UVRAG: variants seen among roughly 807,000 people sequenced by gnomAD.
UVRAG encodes the protein UV radiation resistance-associated gene protein.
UVRAG carries 19 observed loss-of-function variants against 78.0 expected under a neutral mutation model. That is an observed-to-expected ratio of 0.24 (90% CI 0.17 to 0.36). UVRAG has a LOEUF of 0.36. UVRAG is among the 10% of genes least tolerant of loss of function. The probability of loss-of-function intolerance (pLI) is 1.00; values close to 1 mark genes in which losing one functional copy is unlikely to be tolerated. For synonymous variants in UVRAG, 323 were observed against 324.6 expected, an observed-to-expected ratio of 1.00 and a Z score of 0.05; for missense variants, 740 against 853.8, an observed-to-expected ratio of 0.87 and a Z score of 1.66.
chr11:75,968,778 A>C (rs987940230), intron 7 of UVRAG, among the ~76,000 whole-genome samples: 1 of 152,206 alleles, frequency 6.6e-6, no homozygotes, highest in African/African-American at 2.4e-5. Context: ...TTTTGTGGAA[A>C]AATTCAAGTT....
chr11:75,924,981 G>A (rs764674725), intron 6 of UVRAG, among the ~76,000 whole-genome samples: 1 of 152,212 alleles, frequency 6.6e-6, no homozygotes, highest in African/African-American at 2.4e-5. Context: ...GCGTAAAGAA[G>A]TAAAGCATTC....
intron 8 of UVRAG, among the ~76,000 whole-genome samples, chr11:75,985,456 CT>C (rs1949481075): frequency 1.3e-5 from 2 of 151,716 alleles, no homozygotes; most frequent in African/African-American, 4.8e-5. Context: ...GATATGGGTT[CT>C]TTTTTTGGCA....
intron 12 of UVRAG, among the ~76,000 whole-genome samples, chr11:76,019,794 A>G (rs1336610749): frequency 6.6e-6 from 1 of 152,140 alleles, no homozygotes; most frequent in Non-Finnish European, 1.5e-5. Flanking sequence ...CCAGCATAGG[A>G]CTGGGTCTTA....
chr11:76,085,528 A>C (rs1194482288), intron 13 of UVRAG, among the ~76,000 whole-genome samples: 1 of 152,238 alleles, frequency 6.6e-6, no homozygotes, highest in Non-Finnish European at 1.5e-5. Context: ...CTTTTGTATC[A>C]AGACATTCTG....
At chr11:75,880,169 C>A in intron 4 of UVRAG, 129 bp downstream of exon 4, 1 of 999,868 alleles carries the variant, frequency 1.0e-6, no homozygotes, top group Non-Finnish European at 1.5e-6. Context: ...ACTTATATCA[C>A]TAAGAGAGAC....
chr11:76,103,081 A>G (rs1951905855), intron 13 of UVRAG, among the ~76,000 whole-genome samples: 1 of 152,214 alleles, frequency 6.6e-6, no homozygotes, highest in Admixed American at 6.5e-5. Context: ...ATTTCTTCTT[A>G]CATGACCCTC....
intron 14 of UVRAG, among the ~76,000 whole-genome samples, chr11:76,139,531 C>T (rs907535836): frequency 1.3e-5 from 2 of 152,132 alleles, no homozygotes; most frequent in African/African-American, 4.8e-5. Context: ...CTTCTGCAAG[C>T]CACTTAACCC....
At chr11:75,970,788 C>T (rs375549844) in intron 7 of UVRAG, among the ~76,000 whole-genome samples, 13 of 151,788 alleles carry the variant, frequency 8.6e-5, no homozygotes, top group East Asian at 5.8e-4. Flanking sequence ...TATAACCCAC[C>T]CCATCCCCAA....
intron 9 of UVRAG, 88 bp from the exon 10 acceptor site, chr11:76,007,446 T>A: frequency 8.6e-6 from 9 of 1,050,626 alleles, no homozygotes; most frequent in Non-Finnish European, 1.3e-5. Flanking sequence ...CAGTATAATC[T>A]TTCTTTGGAT....
chr11:76,121,960 C>G (rs996559990), intron 14 of UVRAG, among the ~76,000 whole-genome samples: 1 of 152,136 alleles, frequency 6.6e-6, no homozygotes, highest in Non-Finnish European at 1.5e-5. Flanking sequence ...CTGGGGACCA[C>G]GTCTTACTCA....
chr11:75,950,133 C>G (rs1156715210), intron 6 of UVRAG, among the ~76,000 whole-genome samples: 1 of 152,120 alleles, frequency 6.6e-6, no homozygotes, highest in African/African-American at 2.4e-5. Flanking sequence ...GAATATATTA[C>G]AGTTTGCTTA....
At chr11:75,947,965 A>AG (rs1243934866) in intron 6 of UVRAG, among the ~76,000 whole-genome samples, 1 of 152,188 alleles carries the variant, frequency 6.6e-6, no homozygotes, top group Non-Finnish European at 1.5e-5. Context: ...ATTAGGCCTC[A>AG]GGTTTCTGGT....
chr11:76,051,906 G>A (rs945250982), intron 12 of UVRAG, among the ~76,000 whole-genome samples: 15 of 152,134 alleles, frequency 9.9e-5, no homozygotes, highest in African/African-American at 2.7e-4. Flanking sequence ...ATGGTCTGGC[G>A]TGGTGTGTGT....
intron 1 of UVRAG, among the ~76,000 whole-genome samples, chr11:75,826,693 CT>C (rs11289695): frequency 0.21 from 28,044 of 133,172 alleles, 4,284 homozygotes; most frequent in African/African-American, 0.45. Flanking sequence ...CCATGCCTAT[CT>C]TTTTTTTTTT....
At chr11:75,914,861 A>G (rs1461783722) in intron 6 of UVRAG, among the ~76,000 whole-genome samples, 3 of 152,122 alleles carry the variant, frequency 2.0e-5, no homozygotes, top group Admixed American at 6.5e-5. Context: ...CCACTAGGAT[A>G]CATCTGTTCT....
In UVRAG at chr11:76,141,188, C is replaced by G. The variant is rs1283071787; in HGVS notation, c.1875C>G (p.Leu625=). 1 of 1,614,052 alleles carries G rather than the reference C, an allele frequency of 6.2e-7. No homozygotes were observed. The highest frequency in any genetic ancestry group is 1.3e-5 in the African/African-American group (1 of 74,916). The change falls in exon 15 of 15, where the codon CTC becomes CTG. Residue 625 remains leucine, a synonymous_variant. Transcript: ENST00000356136. ...GEFHPVSEAE[L]CCTVEQAEEI... is the part of the protein sequence containing the mutation. The stretch of plus-strand genomic sequence containing the variant: ...TCCACCCAGTCTCAGAAGCTGAGCT[C>G]TGCTGTACTGTGGAGCAAGCAGAAG...
intron 6 of UVRAG, among the ~76,000 whole-genome samples, chr11:75,935,262 A>G (rs981674396): frequency 1.3e-5 from 2 of 152,238 alleles, no homozygotes; most frequent in African/African-American, 4.8e-5. Context: ...AGCGTATGAT[A>G]CAGTTATCTG....
At chr11:76,114,472 C>G (rs1453841306) in intron 13 of UVRAG, among the ~76,000 whole-genome samples, 2 of 152,180 alleles carry the variant, frequency 1.3e-5, no homozygotes, top group Non-Finnish European at 2.9e-5. Flanking sequence ...GCCATTGAAC[C>G]ATGCGGCCCT....
intron 13 of UVRAG, among the ~76,000 whole-genome samples, chr11:76,086,588 A>G (rs1951592403): frequency 6.6e-6 from 1 of 152,218 alleles, no homozygotes. Context: ...TTTAAAAACT[A>G]AAGTGCATGT....
Sources: gnomAD v4.1 joint callset for allele counts (sites outside exome capture counted in the v4.1 genomes callset) on GRCh38, gnomAD v4.1.1 for gene constraint, MANE v1.5 for transcripts, NCBI Gene and HGNC (gene_info 2026-07-23, HGNC 2026-07-21) for gene names.